ZFP62: variants seen among roughly 807,000 people sequenced by gnomAD.
The protein encoded by ZFP62 is ZFP62 zinc finger protein, also known as zinc finger protein 62 homolog.
Under a neutral mutation model 56.4 loss-of-function variants are expected in ZFP62, and 44 were observed. The ratio of observed to expected loss-of-function variants is 0.78; its 90% CI spans 0.61 to 1.00. The LOEUF (loss-of-function observed/expected upper bound fraction) is 1.00, where lower values mean the gene tolerates loss of function less well. Ranked by LOEUF, ZFP62 falls within the 50% of genes least tolerant of loss-of-function variation. The probability of loss-of-function intolerance (pLI) is 0.00; values close to 1 mark genes in which losing one functional copy is unlikely to be tolerated. For missense variants in ZFP62, 1,030 were observed against 1,085.7 expected, an observed-to-expected ratio of 0.95 and a Z score of 0.72; for synonymous variants, 421 against 388.9, an observed-to-expected ratio of 1.08 and a Z score of -0.97.
the ZFP62 span, among the ~76,000 whole-genome samples, chr5:180,829,153 C>T: frequency 1.3e-5 from 2 of 151,768 alleles, no homozygotes; most frequent in African/African-American, 2.4e-5. Context: ...CCTTTTGCCC[C>T]TTGTCCTGTT....
downstream of ZFP62, among the ~76,000 whole-genome samples, chr5:180,844,421 C>T (rs1267486653): frequency 6.6e-6 from 1 of 152,214 alleles, no homozygotes; most frequent in East Asian, 1.9e-4. Context: ...CCCAGGACCA[C>T]TACTTATCCT....
At chr5:180,828,195 A>G in the ZFP62 span, among the ~76,000 whole-genome samples, 3 of 152,144 alleles carry the variant, frequency 2.0e-5, no homozygotes, top group African/African-American at 7.2e-5. Flanking sequence ...ACCTAACGAG[A>G]AACACCCACA....
intron 1 of ZFP62, 126 bp from the exon 2 acceptor site, chr5:180,851,619 C>CA: frequency 9.0e-7 from 1 of 1,109,096 alleles, no homozygotes; most frequent in Non-Finnish European, 1.2e-6. Context: ...TGACAGGTAC[C>CA]ATGTGCCATG....
At chr5:180,829,137 G>A in the ZFP62 span, among the ~76,000 whole-genome samples, 1 of 152,316 alleles carries the variant, frequency 6.6e-6, no homozygotes, top group African/African-American at 2.4e-5. Context: ...CTTATCAGGA[G>A]TTCTGCCTTT....
At chr5:180,859,401 A>C (rs768569820) in intron 1 of ZFP62, among the ~76,000 whole-genome samples, 9 of 152,230 alleles carry the variant, frequency 5.9e-5, no homozygotes, top group Non-Finnish European at 1.3e-4. Context: ...AGGAACAGAG[A>C]AGTGATATGC....
the ZFP62 span, among the ~76,000 whole-genome samples, chr5:180,833,182 A>G: frequency 6.6e-6 from 1 of 152,134 alleles, no homozygotes; most frequent in African/African-American, 2.4e-5. Context: ...AGCCCTCATG[A>G]ATGGAATGAC....
downstream of ZFP62, chr5:180,845,974 TTCAGGCTTTTCTTTTC>T: frequency 1.8e-6 from 1 of 551,750 alleles, no homozygotes; most frequent in Non-Finnish European, 2.3e-6. Context: ...TCACTGTTTT[TTCAGGCTTTTCTTTTC>T]TCTTTCTCCT....
the ZFP62 span, chr5:180,830,303 T>C: frequency 6.6e-6 from 1 of 152,320 alleles, no homozygotes; most frequent in Non-Finnish European, 1.5e-5. Context: ...TGAAGCCAAC[T>C]TCTGGCCACT....
In ZFP62 at chr5:180,849,475, C is replaced by T; in HGVS notation, c.2020G>A (p.Glu674Lys). ...KRIHTGERPY[E>K]CDVCGKAYIS... ...TAGGCTTTTCCACACACATCACATTCATAGGGCCTCTCCCCAGTATGGATT... is the reference window on the plus strand; with the variant it reads ...TAGGCTTTTCCACACACATCACATTTATAGGGCCTCTCCCCAGTATGGATT... The change falls in exon 2 of 2, where the codon GAA (glutamate) becomes AAA (lysine). Residue 674 changes from glutamate (E) to lysine (K), a missense_variant. Physicochemically the swap from Glu to Lys is moderately conservative, Grantham distance 56 (BLOSUM62 1). Coordinates refer to ENST00000502412, the MANE Select transcript of ZFP62 (RefSeq NM_001172638.2). 3 of 1,551,946 alleles carry T rather than the reference C, an allele frequency of 1.9e-6. No individual in the cohort carries two copies. Among genetic ancestry groups the T allele is most frequent in the Non-Finnish European group, 2.6e-6 (3 of 1,147,084 alleles).
At chr5:180,839,871 A>G in the ZFP62 span, among the ~76,000 whole-genome samples, 1 of 152,200 alleles carries the variant, frequency 6.6e-6, no homozygotes, top group Non-Finnish European at 1.5e-5. Context: ...ACAGCTTCAC[A>G]GTGATGTGCT....
In ZFP62 at chr5:180,850,029, C is replaced by T. The variant is rs879072692; in HGVS notation, c.1466G>A (p.Arg489His). The change falls in exon 2 of 2, where the codon CGC becomes CAC. Residue 489 changes from arginine to histidine, a missense_variant. Coordinates refer to ENST00000502412, the MANE Select transcript of ZFP62 (RefSeq NM_001172638.2). ...TCCTTTGTGATTTTTAAGGCTAGAG[C>T]GTGAGATATAGGCTTTCCCACACAC... Reference protein sequence around the residue: ...CDVCGKAYISRSSLKNHKGIH... With the variant: ...CDVCGKAYISHSSLKNHKGIH... The T allele has an allele frequency of 1.4e-5, 21 of 1,551,310 alleles. No homozygotes were observed. The highest frequency in any genetic ancestry group is 4.1e-5 in the African/African-American group (3 of 72,916).
chr5:180,861,152 CA>C, intron 1 of ZFP62, 66 bp downstream of exon 1: 1 of 398,706 alleles, frequency 2.5e-6, no homozygotes. Flanking sequence ...AAGACCCGGC[CA>C]AAAAGGGGAG....
the ZFP62 span, among the ~76,000 whole-genome samples, chr5:180,841,664 G>A: frequency 6.6e-6 from 1 of 152,176 alleles, no homozygotes; most frequent in South Asian, 2.1e-4. Context: ...ATCAGAGAAA[G>A]CACTGCCACA....
the ZFP62 span, chr5:180,832,821 T>C: frequency 6.6e-6 from 1 of 152,216 alleles, no homozygotes; most frequent in Admixed American, 6.5e-5. Context: ...CATCAGAAAC[T>C]CTGGGGCCCA....
intron 1 of ZFP62, among the ~76,000 whole-genome samples, chr5:180,856,758 T>C (rs2113710990): frequency 6.7e-6 from 1 of 149,346 alleles, no homozygotes; most frequent in Non-Finnish European, 1.5e-5. Flanking sequence ...ATCGAGACCA[T>C]CCTGGCTAAC....
chr5:180,839,941 G>A, the ZFP62 span, among the ~76,000 whole-genome samples: 3 of 152,126 alleles, frequency 2.0e-5, no homozygotes, highest in African/African-American at 7.2e-5. Context: ...TTGAATCCCT[G>A]GTTAATTAAT....
chr5:180,841,660 G>C, the ZFP62 span, among the ~76,000 whole-genome samples: 1 of 152,190 alleles, frequency 6.6e-6, no homozygotes, highest in South Asian at 2.1e-4. Flanking sequence ...CAACATCAGA[G>C]AAAGCACTGC....
chr5:180,827,130 A>C, the ZFP62 span, among the ~76,000 whole-genome samples: 3 of 152,224 alleles, frequency 2.0e-5, no homozygotes, highest in African/African-American at 7.2e-5. Context: ...CTTCAACAAG[A>C]CAAGCCTCTG....
At position 180,850,943 on chromosome 5, in the gene ZFP62, A is replaced by G. The variant is rs749831307; in HGVS notation, c.552T>C (p.Leu184=). ...CAGTGTGGATCCGTTTGTGGACCCG[A>G]AGGCTCGAGCTGCTCCGGAAAGTCC... is the stretch of plus-strand genomic sequence containing the variant. ...CGGTFRSSSS[L]RVHKRIHTGE... Residue 184 remains leucine, a synonymous_variant, in exon 2 of 2, where the codon CTT becomes CTC. Transcript: ENST00000502412. The G allele has an allele frequency of 6.4e-7, 1 of 1,557,462 alleles. No homozygotes were observed. The highest frequency in any genetic ancestry group is 1.2e-5 in the South Asian group (1 of 84,404).
Sources: gnomAD v4.1 joint callset for allele counts (sites outside exome capture counted in the v4.1 genomes callset) on GRCh38, gnomAD v4.1.1 for gene constraint, MANE v1.5 for transcripts, NCBI Gene and HGNC (gene_info 2026-07-23, HGNC 2026-07-21) for gene names.